The following CRTC1 variants were observed in gnomAD, a reference collection of about 807,000 sequenced individuals.
CRTC1 encodes CREB regulated transcription coactivator 1.
Under a neutral mutation model 66.1 loss-of-function variants are expected in CRTC1, and 18 were observed. That is an observed-to-expected ratio of 0.27 (90% confidence interval 0.19 to 0.40). The LOEUF (loss-of-function observed/expected upper bound fraction) is 0.40. Ranked by LOEUF, CRTC1 falls within the 10% of genes least tolerant of loss-of-function variation. CRTC1 has a pLI of 1.00. For missense variants in CRTC1, 669 were observed against 887.9 expected (o/e 0.75, Z 3.13); for synonymous variants, 416 against 398.8 (o/e 1.04, Z -0.51).
intron 1 of CRTC1, among the ~76,000 whole-genome samples, chr19:18,732,802 T>C (rs1403812214): frequency 1.3e-5 from 2 of 152,032 alleles, no homozygotes; most frequent in Non-Finnish European, 2.9e-5. Flanking sequence ...TCAGAATAAC[T>C]ACAGGAGGCC....
chr19:18,758,586 G>GC (rs1317916676), intron 6 of CRTC1, among the ~76,000 whole-genome samples: 1 of 152,118 alleles, frequency 6.6e-6, no homozygotes, highest in Non-Finnish European at 1.5e-5. Flanking sequence ...GAGTGTGGCT[G>GC]CCCACATAGC....
chr19:18,754,298 A>G (rs1011021710), intron 6 of CRTC1, among the ~76,000 whole-genome samples: 13 of 152,100 alleles, frequency 8.5e-5, no homozygotes, highest in African/African-American at 2.9e-4. Flanking sequence ...AGGTGGGAGG[A>G]TTACTTGAGC....
At chr19:18,775,299 G>A (rs939637834) in intron 12 of CRTC1, among the ~76,000 whole-genome samples, 5 of 152,248 alleles carry the variant, frequency 3.3e-5, no homozygotes, top group African/African-American at 1.2e-4. Context: ...GGCTGTGGAC[G>A]CGGCGCCTCG....
chr19:18,713,929 G>C (rs2053448285), intron 1 of CRTC1, among the ~76,000 whole-genome samples: 1 of 152,214 alleles, frequency 6.6e-6, no homozygotes, highest in East Asian at 1.9e-4. Context: ...TGGTGGGTAG[G>C]GCTGTTTTGG....
intron 1 of CRTC1, among the ~76,000 whole-genome samples, chr19:18,710,259 C>G (rs1190684908): frequency 1.3e-5 from 2 of 152,232 alleles, no homozygotes; most frequent in African/African-American, 2.4e-5. Context: ...CCGGCCCATG[C>G]CCATCTGAGC....
At chr19:18,736,634 C>T (rs2054002321) in intron 1 of CRTC1, among the ~76,000 whole-genome samples, 1 of 151,992 alleles carries the variant, frequency 6.6e-6, no homozygotes, top group South Asian at 2.1e-4. Context: ...CGACTGGTGG[C>T]TCCGGGAGGA....
chr19:18,746,643 C>CTGGGCCCCAGACTGAGCCCT (rs1183535593), intron 3 of CRTC1, among the ~76,000 whole-genome samples: 1 of 152,158 alleles, frequency 6.6e-6, no homozygotes, highest in Non-Finnish European at 1.5e-5. Context: ...GCTTGACCAG[C>CTGGGCCCCAGACTGAGCCCT]TGGGCCCCAG....
chr19:18,690,934 G>C (rs1054310624), intron 1 of CRTC1, among the ~76,000 whole-genome samples: 3 of 151,588 alleles, frequency 2.0e-5, no homozygotes, highest in Non-Finnish European at 2.9e-5. Flanking sequence ...GCTGAGGCAG[G>C]AGAATGGCGT....
intron 1 of CRTC1, among the ~76,000 whole-genome samples, chr19:18,727,364 G>A (rs946134394): frequency 6.6e-6 from 1 of 151,896 alleles, no homozygotes. Context: ...GGCAGGTCAC[G>A]AGGTCAGGAG....
At chr19:18,755,015 ACT>A (rs2054452661) in intron 6 of CRTC1, among the ~76,000 whole-genome samples, 1 of 151,470 alleles carries the variant, frequency 6.6e-6, no homozygotes, top group African/African-American at 2.4e-5. Flanking sequence ...AAAGAGTCTC[ACT>A]CTGTTGCCCA....
intron 1 of CRTC1, among the ~76,000 whole-genome samples, chr19:18,684,096 CATT>C (rs2052628836): frequency 2.0e-5 from 3 of 152,040 alleles, no homozygotes; most frequent in South Asian, 4.1e-4. Context: ...GCCTCTATAT[CATT>C]ACTACTAGGA....
intron 1 of CRTC1, among the ~76,000 whole-genome samples, chr19:18,725,114 A>T (rs2053717326): frequency 6.6e-6 from 1 of 151,702 alleles, no homozygotes; most frequent in Admixed American, 6.6e-5. Flanking sequence ...CACCTTGGGG[A>T]GCTCAGTATC....
At chr19:18,722,042 C>T (rs977056209) in intron 1 of CRTC1, among the ~76,000 whole-genome samples, 8 of 152,180 alleles carry the variant, frequency 5.3e-5, no homozygotes, top group African/African-American at 7.2e-5. Flanking sequence ...CAGCAGAGGC[C>T]GGAGTCTGCC....
At chr19:18,766,118 G>A (rs2054728799) in intron 9 of CRTC1, among the ~76,000 whole-genome samples, 1 of 148,964 alleles carries the variant, frequency 6.7e-6, no homozygotes, top group Non-Finnish European at 1.5e-5. Context: ...ATACTCTTTT[G>A]TAATCCTTTT....
intron 9 of CRTC1, 96 bp downstream of exon 9, chr19:18,765,624 C>G: frequency 8.1e-7 from 1 of 1,231,522 alleles, no homozygotes; most frequent in South Asian, 1.6e-5. Context: ...TTCCAGGAGG[C>G]CACAAAACCT....
chr19:18,698,215 T>G (rs201618841), intron 1 of CRTC1, among the ~76,000 whole-genome samples: 2 of 143,988 alleles, frequency 1.4e-5, no homozygotes, highest in Non-Finnish European at 3.0e-5. Flanking sequence ...AAGTGCTTAG[T>G]AGGTGCACAG....
intron 6 of CRTC1, among the ~76,000 whole-genome samples, chr19:18,758,135 G>A (rs1432857741): frequency 6.6e-6 from 1 of 150,420 alleles, no homozygotes; most frequent in East Asian, 2.0e-4. Flanking sequence ...GCCGAGGTGG[G>A]CGGATCATGA....
intron 1 of CRTC1, among the ~76,000 whole-genome samples, chr19:18,709,163 G>T (rs1461829233): frequency 6.6e-6 from 1 of 152,150 alleles, no homozygotes; most frequent in Non-Finnish European, 1.5e-5. Context: ...ACCTGGCAGT[G>T]GGCAGAGCAG....
intron 9 of CRTC1, among the ~76,000 whole-genome samples, chr19:18,766,335 C>T (rs1008037447): frequency 3.8e-5 from 5 of 130,824 alleles, no homozygotes; most frequent in Non-Finnish European, 7.9e-5. Context: ...GATGGGGTTT[C>T]ACCATGCTGG....
Sources: allele counts gnomAD v4.1 joint callset (sites outside exome capture counted in the v4.1 genomes callset), GRCh38; gene constraint gnomAD v4.1.1; transcripts MANE v1.5; gene names NCBI Gene and HGNC (gene_info 2026-07-23, HGNC 2026-07-21).